Variants in HECA observed in about 807,000 individuals in gnomAD.
The protein encoded by HECA is headcase protein homolog.
Under a neutral mutation model 37.6 loss-of-function variants are expected in HECA, and 13 were observed. The ratio of observed to expected loss-of-function variants is 0.35; its 90% CI spans 0.23 to 0.55. HECA has a LOEUF of 0.55. HECA is among the 20% of genes least tolerant of loss of function. HECA has a pLI of 0.90. For missense variants in HECA, 527 were observed against 701.9 expected (o/e 0.75, Z 2.82); for synonymous variants, 307 against 291.5 (o/e 1.05, Z -0.54).
chr6:139,151,667 G>A (rs1582938650), intron 1 of HECA, among the ~76,000 whole-genome samples: 1 of 152,174 alleles, frequency 6.6e-6, no homozygotes, highest in African/African-American at 2.4e-5. Flanking sequence ...CTGTAATTGA[G>A]TTTAAGTACT....
chr6:139,136,974 C>A (rs1270529967), intron 1 of HECA, among the ~76,000 whole-genome samples: 1 of 152,186 alleles, frequency 6.6e-6, no homozygotes, highest in Non-Finnish European at 1.5e-5. Flanking sequence ...CTCTTACAAG[C>A]AGCGTACAGT....
intron 1 of HECA, among the ~76,000 whole-genome samples, chr6:139,161,177 T>A (rs1774796875): frequency 6.6e-6 from 1 of 152,158 alleles, no homozygotes; most frequent in Admixed American, 6.5e-5. Context: ...ATCCTCTGAC[T>A]ATTCCCGAGG....
At chr6:139,169,681 A>G (rs1173570117) in intron 2 of HECA, 1 of 152,212 alleles carries the variant, frequency 6.6e-6, no homozygotes, top group East Asian at 1.9e-4. Context: ...TCTGTGTTCC[A>G]TGTAGTCTTT....
chr6:139,179,328 ATTG>A lies in HECA; in HGVS notation c.*2229_*2231del, dbSNP rs1333192295. The A allele has an allele frequency of 6.6e-6, 1 of 152,166 alleles. No individual in the cohort carries two copies. Among genetic ancestry groups the A allele is most frequent in the Non-Finnish European group, 1.5e-5 (1 of 68,024 alleles). 9.4% of individuals were successfully genotyped at this position (152,166 alleles called of 1,614,324 possible). On this transcript the variant is annotated 3_prime_UTR_variant, in exon 4 of 4. Transcript: ENST00000367658. The stretch of plus-strand genomic sequence containing the variant: ...AATTTTATAGTGAAACCTGCTTTAT[ATTG>A]TTGTTCTGAAGCTTACAATTGACCT...
rs1775084183 is a variant in HECA at position 139,178,496 on chromosome 6, TA to T, written c.*1392del. On this transcript the variant is annotated 3_prime_UTR_variant, in exon 4 of 4. Transcript: ENST00000367658. ...CATTTTATGTTACTCATTTGGTTTA[TA>T]CTTTTTTTTTTTTTTTTTTAACTGT... The T allele has an allele frequency of 1.6e-5, 2 of 123,222 alleles. No homozygotes were observed. The highest frequency in any genetic ancestry group is 1.7e-5 in the Non-Finnish European group (1 of 57,398). 7.6% of individuals were successfully genotyped at this position (123,222 alleles called of 1,614,324 possible). A position where few individuals can be genotyped will look rare whatever the true frequency, so the allele number is the denominator to read the frequency against.
At chr6:139,137,018 A>G (rs1774456953) in intron 1 of HECA, among the ~76,000 whole-genome samples, 2 of 152,220 alleles carry the variant, frequency 1.3e-5, no homozygotes, top group South Asian at 4.1e-4. Flanking sequence ...GTCGCCTGTT[A>G]GAACTGTAGG....
At chr6:139,141,271 AT>A (rs1443321311) in intron 1 of HECA, among the ~76,000 whole-genome samples, 7 of 152,048 alleles carry the variant, frequency 4.6e-5, no homozygotes, top group Admixed American at 2.6e-4. Flanking sequence ...GCAGCCTTAA[AT>A]TTTTTTTCTC....
At chr6:139,167,876 T>C (rs978069710) in intron 2 of HECA, among the ~76,000 whole-genome samples, 12 of 152,200 alleles carry the variant, frequency 7.9e-5, no homozygotes, top group Non-Finnish European at 1.6e-4. Context: ...AAGCTTATTA[T>C]TCCTGTGGAT....
intron 2 of HECA, among the ~76,000 whole-genome samples, chr6:139,168,306 G>T (rs1774921891): frequency 3.3e-5 from 5 of 151,902 alleles, no homozygotes; most frequent in Non-Finnish European, 5.9e-5. Flanking sequence ...TTACTAATGT[G>T]AATATATATA....
intron 2 of HECA, chr6:139,169,639 T>C (rs1159269885): frequency 6.6e-6 from 1 of 152,222 alleles, no homozygotes; most frequent in East Asian, 1.9e-4. Context: ...GATTGTTAGG[T>C]TGGCTTAGGG....
intron 1 of HECA, among the ~76,000 whole-genome samples, chr6:139,165,419 AT>A (rs2114471015): frequency 6.6e-6 from 1 of 152,178 alleles, no homozygotes; most frequent in South Asian, 2.1e-4. Flanking sequence ...TTGTCATTTA[AT>A]TTCATAGTTG....
At chr6:139,157,608 C>T (rs1455650786) in intron 1 of HECA, among the ~76,000 whole-genome samples, 4 of 152,230 alleles carry the variant, frequency 2.6e-5, no homozygotes, top group Non-Finnish European at 5.9e-5. Context: ...AAGAAATCTA[C>T]TTCTTGCCCC....
intron 1 of HECA, among the ~76,000 whole-genome samples, chr6:139,142,478 C>T (rs1379672887): frequency 6.6e-6 from 1 of 152,142 alleles, no homozygotes; most frequent in African/African-American, 2.4e-5. Flanking sequence ...CCCATGGTCT[C>T]ATCATTCCCT....
chr6:139,163,526 G>T (rs1469206653), intron 1 of HECA, among the ~76,000 whole-genome samples: 1 of 151,892 alleles, frequency 6.6e-6, no homozygotes, highest in South Asian at 2.1e-4. Context: ...GCTAATTTTT[G>T]TATTTTTAGT....
At chr6:139,138,491 A>C (rs1355695229) in intron 1 of HECA, among the ~76,000 whole-genome samples, 1 of 152,210 alleles carries the variant, frequency 6.6e-6, no homozygotes, top group Non-Finnish European at 1.5e-5. Context: ...ACTTCGCTTA[A>C]AATTAATAGT....
chr6:139,175,647 C>T (rs1245506012), intron 3 of HECA, among the ~76,000 whole-genome samples: 1 of 152,196 alleles, frequency 6.6e-6, no homozygotes, highest in Non-Finnish European at 1.5e-5. Context: ...CTCCTTATTT[C>T]CTCATACAAT....
Position 139,169,828 on chromosome 6 carries a change from T to C in HECA, c.1312+2504T>C, listed in dbSNP as rs527664124. 6.6e-5 allele frequency: 10 copies of C among 152,354 alleles called. No homozygotes were observed. In the East Asian group the frequency reaches 1.9e-3, roughly 29 times the overall value. 9.4% of individuals were successfully genotyped at this position (152,354 alleles called of 1,614,324 possible). A position where few individuals can be genotyped will look rare whatever the true frequency, so the allele number is the denominator to read the frequency against. ...GAGTAACATCACTCCTGTCACATTTTGTTCATCAGTATAAGTCCTAAGTCT... is the reference window on the plus strand; with the variant it reads ...GAGTAACATCACTCCTGTCACATTTCGTTCATCAGTATAAGTCCTAAGTCT... On this transcript the variant is annotated intron_variant, in intron 2 of 3. Transcript: ENST00000367658.
At position 139,179,080 on chromosome 6, in the gene HECA, C is replaced by CA. The variant is rs1775097113; in HGVS notation, c.*1976dup. 1 of 152,146 alleles carries CA rather than the reference C, an allele frequency of 6.6e-6. No homozygotes were observed. The highest frequency in any genetic ancestry group is 1.5e-5 in the Non-Finnish European group (1 of 68,034). 9.4% of individuals were successfully genotyped at this position (152,146 alleles called of 1,614,324 possible). A position where few individuals can be genotyped will look rare whatever the true frequency, so the allele number is the denominator to read the frequency against. On this transcript the variant is annotated 3_prime_UTR_variant, in exon 4 of 4. Transcript: ENST00000367658. ...AAGAAGTAGAAAGTCATTGAACTGA[C>CA]AGTGTTTGATGCAACTAAAAGAGGA...
intron 1 of HECA, among the ~76,000 whole-genome samples, chr6:139,140,256 C>A (rs1157085617): frequency 3.3e-5 from 5 of 152,182 alleles, no homozygotes; most frequent in Admixed American, 1.3e-4. Flanking sequence ...ATTTTCAAAT[C>A]AAGGAATATC....
Sources: gnomAD v4.1 joint callset for allele counts (sites outside exome capture counted in the v4.1 genomes callset) on GRCh38, gnomAD v4.1.1 for gene constraint, MANE v1.5 for transcripts, NCBI Gene and HGNC (gene_info 2026-07-23, HGNC 2026-07-21) for gene names.